Variants in TTC32 observed in about 807,000 individuals in gnomAD.
TTC32 encodes tetratricopeptide repeat domain 32, also known as tetratricopeptide repeat protein 32.
Under a neutral mutation model 15.3 loss-of-function variants are expected in TTC32, and 16 were observed. That is an observed-to-expected ratio of 1.05 (90% CI 0.71 to 1.59). TTC32 has a LOEUF of 1.59. Among genes scored for constraint, TTC32 ranks in the 40% most tolerant of loss-of-function variants. The pLI is 0.00. For synonymous variants in TTC32, 89 were observed against 67.8 expected, an observed-to-expected ratio of 1.31 and a Z score of -1.53; for missense variants, 188 against 181.9, an observed-to-expected ratio of 1.03 and a Z score of -0.19.
rs114921715 is a variant in TTC32, at chr2:19,901,882, G to A, written c.-28C>T. On this transcript the variant is annotated 5_prime_UTR_variant, in exon 1 of 3. Coordinates refer to ENST00000333610, the MANE Select transcript of TTC32 (RefSeq NM_001008237.3). ...CAGCCAAGGCCTAGTTTTCGGTGTA[G>A]AATGGGGGTTGACCTCCGAGCGGTT... 2,222 of 1,613,424 alleles carry A rather than the reference G, an allele frequency of 1.4e-3. 32 individuals are homozygous for A. In the African/African-American group the frequency reaches 0.027, roughly 19 times the overall value.
At position 19,897,939 on chromosome 2, in the gene TTC32, T is replaced by C. The variant is rs770354897; in HGVS notation, c.246A>G (p.Thr82=). ...VDFYEAMDDY[T]SAIEVQPNFE... ...AATTGGGTTGGACTTCTATGGCAGA[T>C]GTGTAGTCATCCATGGCTTCATAAA... Residue 82 remains threonine (T), a synonymous_variant, in exon 2 of 3, where the codon ACA becomes ACG. Coordinates refer to ENST00000333610, the MANE Select transcript of TTC32 (RefSeq NM_001008237.3). The C allele has an allele frequency of 1.2e-5, 20 of 1,612,900 alleles. No individual in the cohort carries two copies. The highest frequency in any genetic ancestry group is 8.9e-5 in the East Asian group (4 of 44,880).
intron 1 of TTC32, chr2:19,901,424 C>T: frequency 2.5e-6 from 1 of 404,506 alleles, no homozygotes; most frequent in Non-Finnish European, 4.5e-6. Flanking sequence ...GAGGCGGCGG[C>T]CCGCGCCCGA....
In TTC32 at chr2:19,897,009, CTTCT is replaced by C. The variant is rs745715667; in HGVS notation, c.430_433del (p.Arg144GlufsTer25). 13 of 1,583,636 alleles carry C rather than the reference CTTCT, an allele frequency of 8.2e-6. No homozygotes were observed. The highest frequency in any genetic ancestry group is 4.1e-5 in the African/African-American group (3 of 73,210). ...ATATCAATAATTTTTTGCAACATTT[CTTCT>C]TTGTTTTTCTTCTTTGTCTAGAATA... is the stretch of plus-strand genomic sequence containing the variant. On this transcript the variant is annotated frameshift_variant, in exon 3 of 3. Transcript: ENST00000333610. LOFTEE classifies it high-confidence loss of function.
chr2:19,901,074 TA>T, intron 1 of TTC32: 1 of 471,326 alleles, frequency 2.1e-6, no homozygotes, highest in South Asian at 1.5e-5. Context: ...GACTTGATAT[TA>T]AGTAACTATG....
At chr2:19,901,361 T>C (rs569569784) in intron 1 of TTC32, 30 of 334,494 alleles carry the variant, frequency 9.0e-5, no homozygotes, top group African/African-American at 6.1e-4. Flanking sequence ...TTCCTATCTG[T>C]CCTAAGTCTC....
At chr2:19,900,548 A>T (rs1162602049) in intron 1 of TTC32, among the ~76,000 whole-genome samples, 1 of 152,220 alleles carries the variant, frequency 6.6e-6, no homozygotes, top group Non-Finnish European at 1.5e-5. Context: ...CTGTTCAACC[A>T]ACCCCTCTGT....
At chr2:19,899,670 A>G (rs1011228943) in intron 1 of TTC32, among the ~76,000 whole-genome samples, 2 of 138,616 alleles carry the variant, frequency 1.4e-5, no homozygotes, top group African/African-American at 5.3e-5. Flanking sequence ...TTCGCAAAAA[A>G]AAATATTTTT....
In TTC32 at chr2:19,897,908, C is replaced by G; in HGVS notation, c.277G>C (p.Val93Leu). The G allele has an allele frequency of 6.2e-7, 1 of 1,611,870 alleles. No individual in the cohort carries two copies. Among genetic ancestry groups the G allele is most frequent in the Non-Finnish European group, 8.5e-7 (1 of 1,178,458 alleles). ...SAIEVQPNFEVPYYNRGLILY... is the reference protein window; with the variant it reads ...SAIEVQPNFELPYYNRGLILY... Reference sequence around the variant, plus strand: ...ATCAACCCTCTGTTGTAATATGGAACTTCAAAATTGGGTTGGACTTCTATG... The same window carrying G: ...ATCAACCCTCTGTTGTAATATGGAAGTTCAAAATTGGGTTGGACTTCTATG... The change falls in exon 2 of 3, where the codon GTT (valine) becomes CTT (leucine). Residue 93 changes from valine to leucine, a missense_variant. By Grantham distance (32) the Val-to-Leu change is conservative. Transcript: ENST00000333610.
chr2:19,899,374 T>C (rs1052379261), intron 1 of TTC32, among the ~76,000 whole-genome samples: 4 of 152,236 alleles, frequency 2.6e-5, no homozygotes, highest in African/African-American at 9.6e-5. Context: ...AGTAAGGTTT[T>C]AGTCATTAAA....
intron 1 of TTC32, chr2:19,901,093 G>C: frequency 2.1e-6 from 1 of 471,296 alleles, no homozygotes; most frequent in Non-Finnish European, 4.4e-6. Flanking sequence ...ATGTGATGAT[G>C]ACATGGTGGT....
chr2:19,898,326 T>G, intron 1 of TTC32: 1 of 241,602 alleles, frequency 4.1e-6, no homozygotes. Context: ...TTAAAATGAT[T>G]GTTCATTTTT....
At chr2:19,901,657 C>G (rs771536131) in intron 1 of TTC32, 49 bp downstream of exon 1, 5 of 1,584,270 alleles carry the variant, frequency 3.2e-6, no homozygotes, top group South Asian at 2.3e-5. Flanking sequence ...ACAACCCCAA[C>G]GTCGCCTCCA....
intron 1 of TTC32, 165 bp from the exon 2 acceptor site, chr2:19,898,200 AT>A (rs1307666581): frequency 1.7e-6 from 1 of 597,142 alleles, no homozygotes; most frequent in African/African-American, 1.9e-5. Context: ...GCTAAAATCA[AT>A]TTTTGTTTAA....
At chr2:19,901,658 G>T in intron 1 of TTC32, 48 bp downstream of exon 1, 1 of 1,585,406 alleles carries the variant, frequency 6.3e-7, no homozygotes, top group South Asian at 1.1e-5. Context: ...CAACCCCAAC[G>T]TCGCCTCCAC....
chr2:19,900,514 G>A (rs1458545584), intron 1 of TTC32, among the ~76,000 whole-genome samples: 1 of 152,088 alleles, frequency 6.6e-6, no homozygotes, highest in Non-Finnish European at 1.5e-5. Context: ...ATCCACAACA[G>A]ACAACTCACA....
Position 19,900,956 on chromosome 2 carries a change from GAA to G in TTC32, c.149+748_149+749del, listed in dbSNP as rs1359299884. ...CAACAAATAAAGAGGGGAAGGTGGA[GAA>G]GAGACTTAAAAAGACTTGATGTGTA... On this transcript the variant is annotated intron_variant, in intron 1 of 2. Transcript: ENST00000333610. 2.7e-5 allele frequency: 10 copies of G among 376,272 alleles called. No homozygotes were observed. The East Asian group carries it at 8.7e-4, about 33-fold the overall frequency. The allele number at this position is 376,272 out of a possible 1,614,324, so 23.3% of individuals were successfully genotyped here.
rs1669519280 is a variant in TTC32, at chr2:19,896,936, T to C, written c.*51A>G. 3 of 1,448,502 alleles carry C rather than the reference T, an allele frequency of 2.1e-6. No individual in the cohort carries two copies. Among genetic ancestry groups the C allele is most frequent in the Non-Finnish European group, 2.8e-6 (3 of 1,072,768 alleles). The allele number at this position is 1,448,502 out of a possible 1,614,324, so 89.7% of individuals were successfully genotyped here. On this transcript the variant is annotated 3_prime_UTR_variant, in exon 3 of 3. Transcript: ENST00000333610. ...GCTCAATATCTAAATTACTGATAAC[T>C]AGATGCAGATGTAAGGATCATGAAT...
chr2:19,901,393 GA>G, intron 1 of TTC32: 1 of 358,708 alleles, frequency 2.8e-6, no homozygotes, highest in Non-Finnish European at 5.2e-6. Context: ...GAGGAACGTG[GA>G]AGGAGAGACG....
intron 1 of TTC32, among the ~76,000 whole-genome samples, chr2:19,899,443 G>A (rs1669565851): frequency 6.6e-6 from 1 of 151,112 alleles, no homozygotes. Flanking sequence ...TCGTAATATA[G>A]AGAATCATAA....
Sources: allele counts gnomAD v4.1 joint callset (sites outside exome capture counted in the v4.1 genomes callset), GRCh38; gene constraint gnomAD v4.1.1; transcripts MANE v1.5; gene names NCBI Gene and HGNC (gene_info 2026-07-23, HGNC 2026-07-21).